The following P2RY14 variants were observed in gnomAD, a reference collection of about 807,000 sequenced individuals.
P2RY14 encodes the protein P2Y purinoceptor 14.
P2RY14 carries 2 observed loss-of-function variants against 0.9 expected under a neutral mutation model. The ratio of observed to expected loss-of-function variants is 2.16; its 90% CI spans 0.88 to 6.79. The LOEUF (loss-of-function observed/expected upper bound fraction) is 6.79, where lower values mean the gene tolerates loss of function less well. Ranked by LOEUF, P2RY14 falls within the 30% of genes most tolerant of loss-of-function variation. The probability of loss-of-function intolerance (pLI) is 0.05; values close to 1 mark genes in which losing one functional copy is unlikely to be tolerated. For missense variants in P2RY14, 378 were observed against 400.1 expected, an observed-to-expected ratio of 0.94 and a Z score of 0.47; for synonymous variants, 158 against 147.2, an observed-to-expected ratio of 1.07 and a Z score of -0.53.
chr3:151,248,036 A>C lies in P2RY14; in HGVS notation c.-132-28394T>G, dbSNP rs1282079801. On this transcript the variant is annotated intron_variant, in intron 1 of 2. Transcript: ENST00000309170. Reference sequence around the variant, plus strand: ...TCTAAGCATGTATATTAAGTTTCTAAATTATCTATTAGTCTAGATTTTTGG... The same window carrying C: ...TCTAAGCATGTATATTAAGTTTCTACATTATCTATTAGTCTAGATTTTTGG... 2.9e-5 allele frequency among the ~76,000 whole-genome samples: 4 copies of C among 137,114 alleles called. No homozygotes were observed. In the Admixed American group the frequency reaches 3.2e-4, roughly 11 times the overall value. The allele number at this position is 137,114 out of a possible 152,430, so 90.0% of individuals were successfully genotyped here.
rs1559885047 is a variant in P2RY14 at position 151,213,550 on chromosome 3, T to C, written c.767A>G (p.Tyr256Cys). 1 of 1,614,198 alleles carries C rather than the reference T, an allele frequency of 6.2e-7. No homozygotes were observed. The highest frequency in any genetic ancestry group is 2.2e-5 in the East Asian group (1 of 44,884). Reference protein sequence around the residue: ...FVPYHIARIPYTKSQTEAHYS... With the variant: ...FVPYHIARIPCTKSQTEAHYS... ...ATGAGCTTCGGTCTGACTCTTTGTG[T>C]AGGGGATTCTGGCAATATGGTAAGG... The change falls in exon 3 of 3, where the codon TAC becomes TGC. Residue 256 changes from tyrosine to cysteine, a missense_variant. Tyr to Cys is a radical substitution (Grantham distance 194). Coordinates refer to ENST00000309170, the MANE Select transcript of P2RY14 (RefSeq NM_014879.4).
chr3:151,222,564 A>G (rs948694067), intron 1 of P2RY14, among the ~76,000 whole-genome samples: 2 of 152,178 alleles, frequency 1.3e-5, no homozygotes, highest in Non-Finnish European at 2.9e-5. Context: ...GCCCTGCACA[A>G]GCTCTCTTCT....
chr3:151,252,899 C>T (rs1473852592), intron 1 of P2RY14, among the ~76,000 whole-genome samples: 3 of 152,034 alleles, frequency 2.0e-5, no homozygotes, highest in Non-Finnish European at 4.4e-5. Flanking sequence ...TGATTTAAAG[C>T]AATGACTGTA....
chr3:151,272,065 G>A (rs1003655103), intron 1 of P2RY14, among the ~76,000 whole-genome samples: 3 of 152,230 alleles, frequency 2.0e-5, no homozygotes, highest in Non-Finnish European at 4.4e-5. Context: ...CAGATGTTGA[G>A]CATACACAGA....
intron 1 of P2RY14, among the ~76,000 whole-genome samples, chr3:151,270,839 A>C (rs1015370545): frequency 2.6e-5 from 4 of 152,192 alleles, no homozygotes; most frequent in South Asian, 2.1e-4. Flanking sequence ...GGGACAATCC[A>C]CAGAACCTGC....
rs372140793 is a variant in P2RY14 at position 151,265,233 on chromosome 3, T to C, written c.-133+13054A>G. Among the ~76,000 whole-genome samples the C allele has an allele frequency of 9.4e-4, 143 of 152,310 alleles. 1 individual carries two copies. The highest frequency in any genetic ancestry group is 3.3e-3 in the African/African-American group (139 of 41,574). On this transcript the variant is annotated intron_variant, in intron 1 of 2. Transcript: ENST00000309170. ...ACAAAGGGGAGCTACTCATAGAATA[T>C]AATGTACGATGCTCTATTCTGAGAC... is the stretch of plus-strand genomic sequence containing the variant.
intron 1 of P2RY14, among the ~76,000 whole-genome samples, chr3:151,253,815 CCT>C (rs1457659051): frequency 1.3e-5 from 2 of 152,086 alleles, no homozygotes; most frequent in African/African-American, 4.8e-5. Flanking sequence ...GAAACATTGT[CCT>C]TTTGCTGAGA....
intron 1 of P2RY14, among the ~76,000 whole-genome samples, chr3:151,233,729 G>A (rs929799434): frequency 5.3e-5 from 8 of 152,184 alleles, no homozygotes; most frequent in Non-Finnish European, 7.3e-5. Flanking sequence ...GTGAAACTCC[G>A]TCTCAAAAAA....
At chr3:151,269,441 A>ACACAC (rs1559962861) in intron 1 of P2RY14, 139 of 231,268 alleles carry the variant, frequency 6.0e-4, no homozygotes, top group Middle Eastern at 3.0e-3. Context: ...ACACACACAC[A>ACACAC]AAATTCAGAG....
intron 1 of P2RY14, among the ~76,000 whole-genome samples, chr3:151,261,007 G>T: frequency 6.6e-6 from 1 of 152,038 alleles, no homozygotes; most frequent in Admixed American, 6.6e-5. Flanking sequence ...TGTGTTGCAG[G>T]GCAAGCATGG....
At chr3:151,255,929 A>G (rs1308211830) in intron 1 of P2RY14, among the ~76,000 whole-genome samples, 4 of 152,186 alleles carry the variant, frequency 2.6e-5, no homozygotes, top group Non-Finnish European at 2.9e-5. Flanking sequence ...AAGTTGTTGG[A>G]AAGTTTAAAT....
chr3:151,221,467 AG>A (rs1429629256), intron 1 of P2RY14, among the ~76,000 whole-genome samples: 1 of 152,198 alleles, frequency 6.6e-6, no homozygotes, highest in African/African-American at 2.4e-5. Context: ...GAGGCCTAGA[AG>A]GAAAAAGTGG....
At chr3:151,248,970 G>A (rs746235121) in intron 1 of P2RY14, 5 of 152,172 alleles carry the variant, frequency 3.3e-5, no homozygotes, top group Admixed American at 6.5e-5. Context: ...TGGACTGCTC[G>A]TGTTGACCAG....
At chr3:151,239,113 A>G (rs1733542058) in intron 1 of P2RY14, among the ~76,000 whole-genome samples, 1 of 152,210 alleles carries the variant, frequency 6.6e-6, no homozygotes, top group Non-Finnish European at 1.5e-5. Context: ...ATTAATTAGT[A>G]TGATTTTTTG....
chr3:151,253,235 G>T (rs1737176803), intron 1 of P2RY14, among the ~76,000 whole-genome samples: 1 of 152,126 alleles, frequency 6.6e-6, no homozygotes, highest in East Asian at 1.9e-4. Context: ...AACAAATATG[G>T]AGAGTATATT....
intron 1 of P2RY14, among the ~76,000 whole-genome samples, chr3:151,276,238 A>T (rs1331661651): frequency 2.0e-5 from 3 of 152,212 alleles, no homozygotes; most frequent in Admixed American, 2.0e-4. Flanking sequence ...CTGATTCTGT[A>T]GGTTTGGGGT....
At chr3:151,215,073 A>G (rs966231514) in intron 2 of P2RY14, among the ~76,000 whole-genome samples, 2 of 151,482 alleles carry the variant, frequency 1.3e-5, no homozygotes, top group Admixed American at 1.3e-4. Context: ...GTTAACCGGT[A>G]TTTTTGGTAT....
At chr3:151,252,131 G>T (rs1736976666) in intron 1 of P2RY14, among the ~76,000 whole-genome samples, 1 of 152,040 alleles carries the variant, frequency 6.6e-6, no homozygotes, top group African/African-American at 2.4e-5. Context: ...TCCCTATGCA[G>T]GATAAACTCA....
Position 151,213,942 on chromosome 3 carries a change from C to G in P2RY14, c.375G>C (p.Lys125Asn), listed in dbSNP as rs760692274. 7.4e-6 allele frequency: 12 copies of G among 1,614,130 alleles called. No individual in the cohort carries two copies. Among genetic ancestry groups the G allele is most frequent in the Non-Finnish European group, 1.0e-5 (12 of 1,180,010 alleles). The change falls in exon 3 of 3, where the codon AAG becomes AAC. Residue 125 changes from lysine (K) to asparagine (N), a missense_variant. Physicochemically the swap from Lys to Asn is moderately conservative, Grantham distance 94. Transcript: ENST00000309170. ...ISFDRYYKIVKPLWTSFIQSV... is the reference protein window; with the variant it reads ...ISFDRYYKIVNPLWTSFIQSV... ...ACTGGATGAAAGAAGTCCAAAGAGG[C>G]TTTACAATTTTATAATATCTGTCAA...
Sources: gnomAD v4.1 joint callset for allele counts (sites outside exome capture counted in the v4.1 genomes callset) on GRCh38, gnomAD v4.1.1 for gene constraint, MANE v1.5 for transcripts, NCBI Gene and HGNC (gene_info 2026-07-23, HGNC 2026-07-21) for gene names.